SLC35D4: variants seen among roughly 807,000 people sequenced by gnomAD.
SLC35D4 encodes the protein solute carrier family 35 member D4, also known as UDP-N-acetylglucosamine transporter SLC35D4.
At chr18:23,370,340 T>G in the SLC35D4 span, 1 of 1,458,796 alleles carries the variant, frequency 6.9e-7, no homozygotes, top group South Asian at 1.2e-5. Context: ...ACACACAAAA[T>G]CCACATGGAT....
chr18:23,417,630 C>A, the SLC35D4 span, among the ~76,000 whole-genome samples: 293 of 152,158 alleles, frequency 1.9e-3, 5 homozygotes, highest in South Asian at 0.016. Context: ...TGACTATAAT[C>A]AATGCCAATG....
At chr18:23,343,193 G>A in the SLC35D4 span, among the ~76,000 whole-genome samples, 3 of 152,050 alleles carry the variant, frequency 2.0e-5, no homozygotes, top group Non-Finnish European at 4.4e-5. Flanking sequence ...AGAGTGCTGG[G>A]TTACAGGCAT....
chr18:23,255,762 T>C, the SLC35D4 span, among the ~76,000 whole-genome samples: 1 of 152,056 alleles, frequency 6.6e-6, no homozygotes, highest in African/African-American at 2.4e-5. Flanking sequence ...GGTCTTGCTG[T>C]ATTGCCCAGG....
the SLC35D4 span, among the ~76,000 whole-genome samples, chr18:23,284,909 G>A: frequency 0.024 from 3,718 of 152,322 alleles, 50 homozygotes; most frequent in Middle Eastern, 0.061. Flanking sequence ...AGAGTTAAGA[G>A]GCAGGGGATG....
chr18:23,388,362 C>A, the SLC35D4 span, among the ~76,000 whole-genome samples: 1 of 152,188 alleles, frequency 6.6e-6, no homozygotes, highest in Non-Finnish European at 1.5e-5. Flanking sequence ...CTCCTCCCAG[C>A]ACCTCTCTTA....
the SLC35D4 span, among the ~76,000 whole-genome samples, chr18:23,366,294 G>A: frequency 5.3e-5 from 8 of 152,018 alleles, no homozygotes; most frequent in East Asian, 3.9e-4. Context: ...CTCCCGTCCC[G>A]CAGTGCCCCT....
the SLC35D4 span, among the ~76,000 whole-genome samples, chr18:23,263,942 C>CTG: frequency 6.6e-6 from 1 of 152,238 alleles, no homozygotes; most frequent in African/African-American, 2.4e-5. Flanking sequence ...TTAACTGCTG[C>CTG]TGTAGACCAA....
chr18:23,394,254 T>C, the SLC35D4 span, among the ~76,000 whole-genome samples: 1 of 152,338 alleles, frequency 6.6e-6, no homozygotes, highest in Middle Eastern at 3.4e-3. Flanking sequence ...GCCATTCTCA[T>C]AGGTGTGAAG....
chr18:23,356,668 G>C, the SLC35D4 span: 4,912 of 1,613,952 alleles, frequency 3.0e-3, 141 homozygotes, highest in African/African-American at 0.058. This position sits in a 1 kb window ranked among gnomAD's most constrained non-coding sequence, Gnocchi z 4.1. Flanking sequence ...GATCACCTGA[G>C]GGGAACAGCA....
chr18:23,437,918 C>A, the SLC35D4 span: 4 of 1,535,776 alleles, frequency 2.6e-6, no homozygotes, highest in Middle Eastern at 3.5e-4. Flanking sequence ...GCCGCCCGAC[C>A]CCCGCAGCAG....
the SLC35D4 span, among the ~76,000 whole-genome samples, chr18:23,315,317 C>A: frequency 6.6e-6 from 1 of 152,154 alleles, no homozygotes; most frequent in African/African-American, 2.4e-5. Flanking sequence ...GACATAATTC[C>A]TACTCACCAT....
chr18:23,320,612 AT>A, the SLC35D4 span, among the ~76,000 whole-genome samples: 1 of 152,352 alleles, frequency 6.6e-6, no homozygotes, highest in East Asian at 1.9e-4. Flanking sequence ...ACCAGGAAGC[AT>A]TCCCCTTTCC....
the SLC35D4 span, among the ~76,000 whole-genome samples, chr18:23,275,091 CGTGCTTGTGTGTTTTTGTGTGT>C: frequency 6.9e-6 from 1 of 145,058 alleles, no homozygotes. Flanking sequence ...TGCTTGTGTG[CGTGCTTGTGTGTTTTTGTGTGT>C]GCATGTGTGT....
the SLC35D4 span, among the ~76,000 whole-genome samples, chr18:23,348,079 A>T: frequency 6.6e-6 from 1 of 152,228 alleles, no homozygotes; most frequent in Non-Finnish European, 1.5e-5. Context: ...ATCCATTGTA[A>T]TTTCTTCCTT....
chr18:23,356,582 GC>G, the SLC35D4 span: 1 of 1,613,804 alleles, frequency 6.2e-7, no homozygotes, highest in African/African-American at 1.3e-5. This position sits in a 1 kb window ranked among gnomAD's most constrained non-coding sequence, Gnocchi z 4.1. Flanking sequence ...AAATGAGTGA[GC>G]TTACGATTAC....
chr18:23,411,581 T>A, the SLC35D4 span, among the ~76,000 whole-genome samples: 1 of 151,026 alleles, frequency 6.6e-6, no homozygotes, highest in Non-Finnish European at 1.5e-5. Context: ...TCCCAGCAAC[T>A]CCTAGCCACA....
the SLC35D4 span, among the ~76,000 whole-genome samples, chr18:23,336,998 C>A: frequency 6.8e-6 from 1 of 146,836 alleles, no homozygotes; most frequent in African/African-American, 2.6e-5. Context: ...ATGATTTCCC[C>A]TGTAGTGTGT....
chr18:23,308,303 AGATCCGCAGGCT>A, the SLC35D4 span, among the ~76,000 whole-genome samples: 1 of 152,152 alleles, frequency 6.6e-6, no homozygotes, highest in Non-Finnish European at 1.5e-5. Flanking sequence ...TCCCCTCCCC[AGATCCGCAGGCT>A]GATTTGGCGA....
chr18:23,321,724 C>A, the SLC35D4 span, among the ~76,000 whole-genome samples: 1 of 152,102 alleles, frequency 6.6e-6, no homozygotes, highest in Non-Finnish European at 1.5e-5. Flanking sequence ...CAAAGTGCTG[C>A]GATTACAGGT....
Sources: gnomAD v4.1 joint callset for allele counts (sites outside exome capture counted in the v4.1 genomes callset) on GRCh38, gnomAD v4.1.1 for gene constraint, Gnocchi (gnomAD v3.1) non-coding constraint, MANE v1.5 for transcripts, NCBI Gene and HGNC (gene_info 2026-07-23, HGNC 2026-07-21) for gene names.